The following LHFPL6 variants were observed in gnomAD, a reference collection of about 807,000 sequenced individuals.
LHFPL6 encodes the protein LHFPL tetraspan subfamily member 6 protein.
A neutral mutation model predicts 20.6 loss-of-function variants in LHFPL6; 9 were observed. The ratio of observed to expected loss-of-function variants is 0.44; its 90% CI spans 0.26 to 0.76. LHFPL6 has a LOEUF of 0.76. Among genes scored for constraint, LHFPL6 ranks in the 30% least tolerant of loss-of-function variants. The pLI, the probability that LHFPL6 is intolerant of heterozygous loss-of-function variation, is 0.20. For synonymous variants in LHFPL6, 105 were observed against 98.7 expected (o/e 1.06, Z -0.38); for missense variants, 218 against 253.5 (o/e 0.86, Z 0.95).
rs566459377 is a variant in LHFPL6, at chr13:39,377,909, T to C, written c.484+519A>G. ...TTCTTTCCTTGTGCCTTTGCTATAC[T>C]GTATTCCTCACCTGCAAAGTGCTTC... On this transcript the variant is annotated intron_variant, in intron 3 of 3. Transcript: ENST00000379589. 2.6e-5 allele frequency among the ~76,000 whole-genome samples: 4 copies of C among 152,364 alleles called. No homozygotes were observed. In the East Asian group the frequency reaches 7.7e-4, roughly 29 times the overall value.
chr13:39,397,061 T>C (rs1484701895), intron 2 of LHFPL6, among the ~76,000 whole-genome samples: 2 of 152,308 alleles, frequency 1.3e-5, no homozygotes, highest in East Asian at 3.9e-4. Context: ...TGGTCCTTCC[T>C]TATACCAGCC....
intron 2 of LHFPL6, among the ~76,000 whole-genome samples, chr13:39,479,499 A>C (rs1868431421): frequency 6.6e-6 from 1 of 152,200 alleles, no homozygotes; most frequent in Non-Finnish European, 1.5e-5. Context: ...TGTGAAACAA[A>C]AACACAGAGA....
intron 2 of LHFPL6, among the ~76,000 whole-genome samples, chr13:39,520,504 T>TA (rs950107458): frequency 2.6e-5 from 4 of 151,900 alleles, no homozygotes; most frequent in South Asian, 2.1e-4. Context: ...TCCCCATATG[T>TA]AAAAAATAAA....
At chr13:39,388,310 C>T (rs1460171350) in intron 2 of LHFPL6, among the ~76,000 whole-genome samples, 1 of 152,048 alleles carries the variant, frequency 6.6e-6, no homozygotes, top group African/African-American at 2.4e-5. Flanking sequence ...CGTTATGCAC[C>T]AAAATACTTG....
Position 39,453,641 on chromosome 13 carries a change from C to T in LHFPL6, c.386-75115G>A, listed in dbSNP as rs534963279. Among the ~76,000 whole-genome samples the T allele has an allele frequency of 2.6e-3, 399 of 152,258 alleles. 1 individual carries two copies. Among genetic ancestry groups the T allele is most frequent in the African/African-American group, 9.2e-3 (381 of 41,536 alleles). On this transcript the variant is annotated intron_variant, in intron 2 of 3. Coordinates refer to ENST00000379589, the MANE Select transcript of LHFPL6 (RefSeq NM_005780.3). ...CAGCAGCTAAGTGAAAATCAGGCCACGCTATTGGTAAGGGAGTGTTTCTAC... is the reference window on the plus strand; with the variant it reads ...CAGCAGCTAAGTGAAAATCAGGCCATGCTATTGGTAAGGGAGTGTTTCTAC...
At chr13:39,395,372 T>A (rs1469668617) in intron 2 of LHFPL6, among the ~76,000 whole-genome samples, 1 of 152,226 alleles carries the variant, frequency 6.6e-6, no homozygotes, top group Non-Finnish European at 1.5e-5. Context: ...CTGAGACCAT[T>A]TAAAGCCGCT....
chr13:39,400,580 G>A (rs570612527), intron 2 of LHFPL6, among the ~76,000 whole-genome samples: 4 of 151,658 alleles, frequency 2.6e-5, no homozygotes, highest in East Asian at 1.9e-4. Context: ...TCAGGAGATC[G>A]AGACCATCCC....
In LHFPL6 at chr13:39,343,893, C is replaced by T; in HGVS notation, c.*43G>A. On this transcript the variant is annotated 3_prime_UTR_variant, in exon 4 of 4. Transcript: ENST00000379589. ...TGGATGTTTTGACCTCTCCAAGCCC[C>T]TTTGGCCCATCTTCTCCTCTGTCTG... 6.6e-7 allele frequency: 1 copy of T among 1,522,222 alleles called. No individual in the cohort carries two copies. Among genetic ancestry groups the T allele is most frequent in the Non-Finnish European group, 9.1e-7 (1 of 1,098,872 alleles). The allele number at this position is 1,522,222 out of a possible 1,614,324, so 94.3% of individuals were successfully genotyped here. A position where few individuals can be genotyped will look rare whatever the true frequency, so the allele number is the denominator to read the frequency against.
intron 3 of LHFPL6, among the ~76,000 whole-genome samples, chr13:39,358,037 G>GA (rs1189538588): frequency 6.6e-6 from 1 of 151,686 alleles, no homozygotes; most frequent in Non-Finnish European, 1.5e-5. Context: ...CATACAATTA[G>GA]AAAAAAAATT....
At chr13:39,440,553 A>T (rs916447234) in intron 2 of LHFPL6, among the ~76,000 whole-genome samples, 1 of 152,218 alleles carries the variant, frequency 6.6e-6, no homozygotes. Context: ...ATCTCCAGTT[A>T]CATAGATAGG....
intron 2 of LHFPL6, among the ~76,000 whole-genome samples, chr13:39,401,061 TATGTGAC>T (rs1870978551): frequency 6.6e-6 from 1 of 152,182 alleles, no homozygotes; most frequent in Non-Finnish European, 1.5e-5. Flanking sequence ...TTATAGAGCT[TATGTGAC>T]ATTAAATTCC....
chr13:39,544,750 T>C (rs930789077), intron 2 of LHFPL6, among the ~76,000 whole-genome samples: 2 of 152,128 alleles, frequency 1.3e-5, no homozygotes, highest in Non-Finnish European at 2.9e-5. Flanking sequence ...GAACTATCAA[T>C]GGGAAAAGTC....
chr13:39,473,723 G>A (rs766582021), intron 2 of LHFPL6, among the ~76,000 whole-genome samples: 28 of 152,214 alleles, frequency 1.8e-4, no homozygotes, highest in South Asian at 4.1e-4. Context: ...GGCCAATTGC[G>A]TTACCAATGA....
intron 2 of LHFPL6, among the ~76,000 whole-genome samples, chr13:39,528,416 T>C (rs1870360163): frequency 6.6e-6 from 1 of 152,122 alleles, no homozygotes; most frequent in Non-Finnish European, 1.5e-5. Flanking sequence ...TCCTAGAGAA[T>C]TTAAAAGCAG....
chr13:39,372,970 A>G (rs1215929970), intron 3 of LHFPL6, among the ~76,000 whole-genome samples: 1 of 152,142 alleles, frequency 6.6e-6, no homozygotes, highest in Non-Finnish European at 1.5e-5. Flanking sequence ...CCTCTCTGCA[A>G]CCTATCTCTC....
intron 2 of LHFPL6, among the ~76,000 whole-genome samples, chr13:39,544,730 T>A (rs938345812): frequency 2.0e-5 from 3 of 152,072 alleles, no homozygotes; most frequent in African/African-American, 7.3e-5. Flanking sequence ...AAAGTAGACA[T>A]ACTAAAATAG....
chr13:39,454,703 G>T (rs1416804945), intron 2 of LHFPL6, among the ~76,000 whole-genome samples: 2 of 151,390 alleles, frequency 1.3e-5, no homozygotes, highest in Non-Finnish European at 2.9e-5. Context: ...TTTGGTTTTG[G>T]TACTTAGGTC....
chr13:39,555,545 T>C (rs187355936), intron 2 of LHFPL6, among the ~76,000 whole-genome samples: 1 of 152,322 alleles, frequency 6.6e-6, no homozygotes, highest in Non-Finnish European at 1.5e-5. Context: ...AATGAATGGC[T>C]GAGGCTAACT....
chr13:39,431,728 G>A (rs989128314), intron 2 of LHFPL6, among the ~76,000 whole-genome samples: 10 of 138,040 alleles, frequency 7.2e-5, no homozygotes, highest in Admixed American at 5.8e-4. Context: ...GGGGGGGGGG[G>A]GCTTCCTCTC....
Sources: allele counts gnomAD v4.1 joint callset (sites outside exome capture counted in the v4.1 genomes callset), GRCh38; gene constraint gnomAD v4.1.1; transcripts MANE v1.5; gene names NCBI Gene and HGNC (gene_info 2026-07-23, HGNC 2026-07-21).